The following NOL4 variants were observed in gnomAD, a reference collection of about 807,000 sequenced individuals.
The protein encoded by NOL4 is nucleolar protein 4.
In NOL4, 17 loss-of-function variants were observed where a neutral mutation model predicts 75.9. The ratio of observed to expected loss-of-function variants is 0.22; its 90% CI spans 0.15 to 0.34. The LOEUF (loss-of-function observed/expected upper bound fraction) is 0.34, where lower values mean the gene tolerates loss of function less well. NOL4 is among the 10% of genes least tolerant of loss of function. The probability of loss-of-function intolerance (pLI) is 1.00; values close to 1 mark genes in which losing one functional copy is unlikely to be tolerated. For missense variants in NOL4, 614 were observed against 793.5 expected (o/e 0.77, Z 2.72); for synonymous variants, 292 against 289.9 (o/e 1.01, Z -0.07).
Position 34,223,905 on chromosome 18 carries a change from A to G in NOL4, c.-652T>C, listed in dbSNP as rs1329576823. 6.6e-6 allele frequency: 1 copy of G among 152,268 alleles called. No homozygotes were observed. The highest frequency in any genetic ancestry group is 1.5e-5 in the Non-Finnish European group (1 of 68,072). The allele number at this position is 152,268 out of a possible 1,614,324, so 9.4% of individuals were successfully genotyped here. A position where few individuals can be genotyped will look rare whatever the true frequency, so the allele number is the denominator to read the frequency against. ...AAGGGACTAGAAAGAGAAAGTTCTT[A>G]CCTGTCATGTTTTTAAACCTATCAA... is the stretch of plus-strand genomic sequence containing the variant. On this transcript the variant is annotated 5_prime_UTR_variant, in exon 1 of 11. Transcript: ENST00000261592.
intron 10 of NOL4, among the ~76,000 whole-genome samples, chr18:33,869,760 C>T (rs1434842125): frequency 2.0e-5 from 3 of 151,974 alleles, no homozygotes; most frequent in Non-Finnish European, 1.5e-5. Flanking sequence ...GGCAAAATTA[C>T]AATTTTAAGG....
chr18:34,193,222 C>T (rs4499309), intron 1 of NOL4, among the ~76,000 whole-genome samples: 36,421 of 151,842 alleles, frequency 0.24, 5,121 homozygotes, highest in East Asian at 0.44. Flanking sequence ...TTGATATATA[C>T]CCAAAACACA....
intron 6 of NOL4, among the ~76,000 whole-genome samples, chr18:33,990,705 T>C (rs1040301508): frequency 2.0e-5 from 3 of 151,920 alleles, no homozygotes; most frequent in Non-Finnish European, 4.4e-5. Context: ...ATTTACCTAT[T>C]GTCCACTTCC....
chr18:34,133,825 C>A (rs1285552686), intron 1 of NOL4, among the ~76,000 whole-genome samples: 1 of 152,066 alleles, frequency 6.6e-6, no homozygotes, highest in East Asian at 1.9e-4. Context: ...AGTTCAAGAC[C>A]CGCCTGGCCA....
intron 9 of NOL4, among the ~76,000 whole-genome samples, chr18:33,930,171 T>C (rs1054475959): frequency 1.3e-5 from 2 of 152,188 alleles, no homozygotes; most frequent in African/African-American, 4.8e-5. Context: ...TATTTACTGG[T>C]GATATCTATC....
chr18:33,890,262 C>G (rs780012341), intron 9 of NOL4, among the ~76,000 whole-genome samples: 10 of 152,080 alleles, frequency 6.6e-5, no homozygotes, highest in Non-Finnish European at 1.5e-4. Context: ...CATGAGTGAA[C>G]TCTCATTCAC....
intron 6 of NOL4, among the ~76,000 whole-genome samples, chr18:33,962,078 C>T (rs569852531): frequency 6.6e-6 from 1 of 152,162 alleles, no homozygotes; most frequent in East Asian, 1.9e-4. Context: ...TTTGCCTCTA[C>T]GTGAGATGGC....
At chr18:33,944,364 G>A (rs1446494581) in intron 8 of NOL4, among the ~76,000 whole-genome samples, 1 of 151,764 alleles carries the variant, frequency 6.6e-6, no homozygotes, top group East Asian at 1.9e-4. Context: ...TAATATTCTA[G>A]AACAGCTAAA....
chr18:34,187,862 G>A (rs934902008), intron 1 of NOL4, among the ~76,000 whole-genome samples: 2 of 152,158 alleles, frequency 1.3e-5, no homozygotes, highest in African/African-American at 4.8e-5. Flanking sequence ...CAAGGAGTCT[G>A]ATTGCAGGAT....
intron 5 of NOL4, among the ~76,000 whole-genome samples, chr18:34,025,119 A>G (rs2075278909): frequency 6.6e-6 from 1 of 152,182 alleles, no homozygotes; most frequent in African/African-American, 2.4e-5. Context: ...AAATCTGGAA[A>G]AATTTCAGAA....
intron 2 of NOL4, among the ~76,000 whole-genome samples, chr18:34,108,707 T>A (rs1223626006): frequency 6.6e-6 from 1 of 152,190 alleles, no homozygotes; most frequent in Non-Finnish European, 1.5e-5. Flanking sequence ...CCAATGTTAA[T>A]AGAACTGAGG....
intron 10 of NOL4, among the ~76,000 whole-genome samples, chr18:33,860,000 T>G (rs2144235390): frequency 6.6e-6 from 1 of 152,230 alleles, no homozygotes; most frequent in Non-Finnish European, 1.5e-5. Flanking sequence ...CTCACAGTTA[T>G]GCATGGCTGG....
chr18:33,989,867 C>T (rs1434423427), intron 6 of NOL4, among the ~76,000 whole-genome samples: 1 of 152,054 alleles, frequency 6.6e-6, no homozygotes, highest in Non-Finnish European at 1.5e-5. Context: ...GTGCAATGTT[C>T]ATTAAACAAC....
At chr18:33,993,516 TA>T (rs1337065238) in intron 6 of NOL4, among the ~76,000 whole-genome samples, 1 of 151,912 alleles carries the variant, frequency 6.6e-6, no homozygotes, top group East Asian at 1.9e-4. Context: ...ATACCTGTAG[TA>T]TTTAAAATGG....
chr18:34,084,708 C>A (rs2078167396), intron 5 of NOL4, among the ~76,000 whole-genome samples: 1 of 151,968 alleles, frequency 6.6e-6, no homozygotes, highest in African/African-American at 2.4e-5. Context: ...TCCTTTCAAC[C>A]CCTTTCTTCA....
chr18:34,067,547 A>G (rs1484602682), intron 5 of NOL4, among the ~76,000 whole-genome samples: 1 of 152,196 alleles, frequency 6.6e-6, no homozygotes, highest in African/African-American at 2.4e-5. Flanking sequence ...GATGGTTTGG[A>G]CTAGGGTAGA....
intron 5 of NOL4, among the ~76,000 whole-genome samples, chr18:34,090,081 T>C (rs1335633846): frequency 1.6e-4 from 24 of 152,134 alleles, no homozygotes; most frequent in Admixed American, 1.4e-3. Flanking sequence ...AGTATGTATA[T>C]GGGTGTGTAT....
At chr18:34,132,052 A>C (rs1254196343) in intron 1 of NOL4, among the ~76,000 whole-genome samples, 3 of 152,204 alleles carry the variant, frequency 2.0e-5, no homozygotes, top group Admixed American at 1.3e-4. Context: ...TCTTTCTGGA[A>C]GCTCTAGGAG....
chr18:34,050,949 CTT>C (rs1455265742), intron 5 of NOL4, among the ~76,000 whole-genome samples: 1 of 152,046 alleles, frequency 6.6e-6, no homozygotes, highest in East Asian at 1.9e-4. Context: ...AGCCTCTAGA[CTT>C]TGGCTAGACA....
Sources: gnomAD v4.1 joint callset for allele counts (sites outside exome capture counted in the v4.1 genomes callset) on GRCh38, gnomAD v4.1.1 for gene constraint, MANE v1.5 for transcripts, NCBI Gene and HGNC (gene_info 2026-07-23, HGNC 2026-07-21) for gene names.